TNFRSF19: variants seen among roughly 807,000 people sequenced by gnomAD.
The protein encoded by TNFRSF19 is TNF receptor superfamily member 19, also known as tumor necrosis factor receptor superfamily member 19.
Under a neutral mutation model 46.4 loss-of-function variants are expected in TNFRSF19, and 27 were observed. The observed-to-expected ratio is 0.58, with a 90% CI of 0.43 to 0.80. The LOEUF (loss-of-function observed/expected upper bound fraction) is 0.80. Among genes scored for constraint, TNFRSF19 ranks in the 30% least tolerant of loss-of-function variants. TNFRSF19 has a pLI of 0.00. For synonymous variants in TNFRSF19, 204 were observed against 205.0 expected (o/e 1.00, Z 0.04); for missense variants, 511 against 530.8 (o/e 0.96, Z 0.37).
intron 1 of TNFRSF19, among the ~76,000 whole-genome samples, chr13:23,580,080 T>C (rs1413377912): frequency 6.6e-6 from 1 of 152,196 alleles, no homozygotes; most frequent in African/African-American, 2.4e-5. Context: ...GAGTAGAGCC[T>C]GTGATAGATT....
At chr13:23,636,447 A>T (rs1882686000) in intron 5 of TNFRSF19, among the ~76,000 whole-genome samples, 6 of 152,102 alleles carry the variant, frequency 3.9e-5, no homozygotes, top group Admixed American at 3.9e-4. Flanking sequence ...GTTGTGAATG[A>T]TCTCCTCGTC....
At chr13:23,662,115 C>T (rs1187324284) in intron 7 of TNFRSF19, among the ~76,000 whole-genome samples, 1 of 152,142 alleles carries the variant, frequency 6.6e-6, no homozygotes, top group Non-Finnish European at 1.5e-5. Context: ...TTGCCCATTC[C>T]TATGTCCAGG....
chr13:23,669,292 G>GTGGAC (rs1431197471), intron 9 of TNFRSF19, 195 bp downstream of exon 9: 5 of 1,393,524 alleles, frequency 3.6e-6, no homozygotes, highest in Admixed American at 6.6e-5. Context: ...TAATATATAA[G>GTGGAC]AGCAAAGTGG....
chr13:23,615,126 A>G (rs1272203211), intron 3 of TNFRSF19, among the ~76,000 whole-genome samples: 1 of 152,180 alleles, frequency 6.6e-6, no homozygotes, highest in Non-Finnish European at 1.5e-5. Context: ...TTCTTTTTAT[A>G]GTTGCATTAT....
intron 1 of TNFRSF19, among the ~76,000 whole-genome samples, chr13:23,577,904 CG>C (rs571578019): frequency 2.0e-5 from 3 of 151,810 alleles, no homozygotes; most frequent in Non-Finnish European, 4.4e-5. Flanking sequence ...AGGCGGGAAG[CG>C]GGGTTGATGA....
intron 7 of TNFRSF19, among the ~76,000 whole-genome samples, chr13:23,665,916 A>C (rs1951624587): frequency 6.6e-6 from 1 of 152,102 alleles, no homozygotes; most frequent in South Asian, 2.1e-4. Context: ...TTTAATCTGG[A>C]ATTGTCTCCT....
chr13:23,644,177 A>G (rs370242042), intron 5 of TNFRSF19, among the ~76,000 whole-genome samples: 1 of 152,148 alleles, frequency 6.6e-6, no homozygotes, highest in Admixed American at 6.5e-5. Flanking sequence ...ATGTTGCAAC[A>G]TTGCTCACCA....
intron 5 of TNFRSF19, among the ~76,000 whole-genome samples, chr13:23,628,994 C>G (rs1882178904): frequency 6.6e-6 from 1 of 151,994 alleles, no homozygotes; most frequent in African/African-American, 2.4e-5. Context: ...GGCAGTAATT[C>G]CAGAACACAG....
At chr13:23,625,519 G>C (rs1033563402) in intron 4 of TNFRSF19, among the ~76,000 whole-genome samples, 2 of 151,662 alleles carry the variant, frequency 1.3e-5, no homozygotes, top group Non-Finnish European at 2.9e-5. Context: ...TAGTAGAGAT[G>C]GGGTTTCACC....
rs34228080 is a variant in TNFRSF19 at position 23,586,257 on chromosome 13, C to CAAAAA, written c.-34-3878_-34-3874dup. 2.7e-4 allele frequency among the ~76,000 whole-genome samples: 25 copies of CAAAAA among 91,840 alleles called. 1 individual carries two copies. Among genetic ancestry groups the CAAAAA allele is most frequent in the Non-Finnish European group, 3.2e-4 (15 of 47,438 alleles). The allele number at this position is 91,840 out of a possible 152,430, so 60.3% of individuals were successfully genotyped here. A position where few individuals can be genotyped will look rare whatever the true frequency, so the allele number is the denominator to read the frequency against. ...TGGGTGACAGAGCGAGACTCCGTCT[C>CAAAAA]AAAAAAAAAAAAAAAAAAAGAAAAG... On this transcript the variant is annotated intron_variant, in intron 1 of 9. Transcript: ENST00000248484.
rs191351861 is a variant in TNFRSF19, at chr13:23,627,428, A to T, written c.445+636A>T. ...ACTATGTATTTTGTGTAGATATAAA[A>T]GGTATTTGTTTCAAGTTATCAACCA... On this transcript the variant is annotated intron_variant, in intron 5 of 9. Coordinates refer to ENST00000248484, the MANE Select transcript of TNFRSF19 (RefSeq NM_148957.4). Among the ~76,000 whole-genome samples, 202 of 152,088 alleles carry T rather than the reference A, an allele frequency of 1.3e-3. 1 individual carries two copies. The highest frequency in any genetic ancestry group is 4.1e-3 in the African/African-American group (170 of 41,458).
At chr13:23,591,634 C>G (rs1166110799) in intron 2 of TNFRSF19, among the ~76,000 whole-genome samples, 1 of 151,740 alleles carries the variant, frequency 6.6e-6, no homozygotes, top group Non-Finnish European at 1.5e-5. Context: ...AGGGAAGCTC[C>G]TACCCCTTAT....
intron 1 of TNFRSF19, among the ~76,000 whole-genome samples, chr13:23,580,823 A>G (rs1044473992): frequency 1.3e-5 from 2 of 152,248 alleles, no homozygotes; most frequent in Non-Finnish European, 2.9e-5. Context: ...CTTGGCATCA[A>G]TGCATGAAGC....
chr13:23,667,253 T>G (rs907007961), intron 7 of TNFRSF19, among the ~76,000 whole-genome samples: 1 of 152,196 alleles, frequency 6.6e-6, no homozygotes, highest in Non-Finnish European at 1.5e-5. Context: ...AATCTCTATA[T>G]TTTAGATTTT....
At chr13:23,638,371 A>G (rs1190223440) in intron 5 of TNFRSF19, among the ~76,000 whole-genome samples, 1 of 152,212 alleles carries the variant, frequency 6.6e-6, no homozygotes, top group Admixed American at 6.5e-5. Flanking sequence ...AGGATCCTGA[A>G]GCAGTGAGTT....
intron 5 of TNFRSF19, among the ~76,000 whole-genome samples, chr13:23,629,416 C>G (rs1036606827): frequency 2.0e-5 from 3 of 152,170 alleles, no homozygotes; most frequent in Non-Finnish European, 4.4e-5. Flanking sequence ...TAATGGGTCT[C>G]TTTGCTCTGG....
chr13:23,625,235 G>T (rs1881918193), intron 4 of TNFRSF19, among the ~76,000 whole-genome samples: 1 of 151,700 alleles, frequency 6.6e-6, no homozygotes, highest in Non-Finnish European at 1.5e-5. Context: ...GCATTCTATT[G>T]CCTTGGGTCT....
chr13:23,613,926 A>G (rs1308733222), intron 3 of TNFRSF19, among the ~76,000 whole-genome samples: 1 of 152,192 alleles, frequency 6.6e-6, no homozygotes, highest in African/African-American at 2.4e-5. Context: ...TTGTTTTCCT[A>G]TTACAAGAGT....
chr13:23,572,793 T>C (rs963786459), intron 1 of TNFRSF19, among the ~76,000 whole-genome samples: 1 of 152,234 alleles, frequency 6.6e-6, no homozygotes, highest in Non-Finnish European at 1.5e-5. Flanking sequence ...TCCTAATTAA[T>C]TGCCACAAAA....
Sources: gnomAD v4.1 joint callset for allele counts (sites outside exome capture counted in the v4.1 genomes callset) on GRCh38, gnomAD v4.1.1 for gene constraint, MANE v1.5 for transcripts, NCBI Gene and HGNC (gene_info 2026-07-23, HGNC 2026-07-21) for gene names.